The following GRIK2 variants were observed in gnomAD, a reference collection of about 807,000 sequenced individuals.
The protein encoded by GRIK2 is glutamate receptor ionotropic, kainate 2.
GRIK2 carries 32 observed loss-of-function variants against 100.3 expected under a neutral mutation model. The ratio of observed to expected loss-of-function variants is 0.32; its 90% CI spans 0.24 to 0.43. The LOEUF is 0.43. Ranked by LOEUF, GRIK2 falls within the 20% of genes least tolerant of loss-of-function variation. GRIK2 has a pLI of 1.00. For synonymous variants in GRIK2, 417 were observed against 389.4 expected (o/e 1.07, Z -0.83); for missense variants, 843 against 1,114.9 (o/e 0.76, Z 3.47).
intron 14 of GRIK2, among the ~76,000 whole-genome samples, chr6:101,976,432 C>T (rs984939021): frequency 6.6e-6 from 1 of 151,882 alleles, no homozygotes; most frequent in African/African-American, 2.4e-5. Flanking sequence ...TGTGGTGGCT[C>T]ATGCCTGTAA....
intron 2 of GRIK2, among the ~76,000 whole-genome samples, chr6:101,448,398 A>G (rs1770490796): frequency 6.6e-6 from 1 of 151,660 alleles, no homozygotes; most frequent in Non-Finnish European, 1.5e-5. Flanking sequence ...AAATCTAAAT[A>G]TCACACATAT....
intron 7 of GRIK2, among the ~76,000 whole-genome samples, chr6:101,782,126 C>A (rs1030110513): frequency 6.6e-5 from 10 of 152,156 alleles, no homozygotes; most frequent in Non-Finnish European, 1.5e-4. Context: ...AGGATATTCA[C>A]TACTTCTAGC....
intron 14 of GRIK2, among the ~76,000 whole-genome samples, chr6:101,955,699 G>A (rs1791891487): frequency 6.7e-6 from 1 of 150,012 alleles, no homozygotes; most frequent in Admixed American, 6.7e-5. Flanking sequence ...TCTAATTTGT[G>A]GCCACACAGC....
chr6:101,622,715 A>G (rs931667487), intron 3 of GRIK2, among the ~76,000 whole-genome samples: 1 of 151,934 alleles, frequency 6.6e-6, no homozygotes, highest in African/African-American at 2.4e-5. Flanking sequence ...AGAATACTTT[A>G]TGAGTTTTAT....
At chr6:101,966,181 A>G (rs200132356) in intron 14 of GRIK2, among the ~76,000 whole-genome samples, 1 of 152,060 alleles carries the variant, frequency 6.6e-6, no homozygotes, top group African/African-American at 2.4e-5. Flanking sequence ...ATTAAAGTTA[A>G]TTATTCTCCC....
In GRIK2 at chr6:101,404,009, T is replaced by G. The variant is rs191852764; in HGVS notation, c.115+4617T>G. On this transcript the variant is annotated intron_variant, in intron 2 of 16. Coordinates refer to ENST00000369134, the MANE Select transcript of GRIK2 (RefSeq NM_021956.5). ...AGGCACAATCATTTCAGAAAATGAC[T>G]TTGAAAAATGATCTTTTTGTCTTCT... 9.8e-5 allele frequency among the ~76,000 whole-genome samples: 15 copies of G among 152,348 alleles called. No homozygotes were observed. In the East Asian group the frequency reaches 2.9e-3, roughly 29 times the overall value.
At chr6:101,846,015 TTTGTTG>T (rs964514520) in intron 10 of GRIK2, among the ~76,000 whole-genome samples, 1 of 151,942 alleles carries the variant, frequency 6.6e-6, no homozygotes. Flanking sequence ...TTGTTTTTTT[TTTGTTG>T]TTGTTGTTGT....
chr6:101,968,838 T>C (rs867589170), intron 14 of GRIK2, among the ~76,000 whole-genome samples: 2 of 152,020 alleles, frequency 1.3e-5, no homozygotes, highest in Non-Finnish European at 2.9e-5. Context: ...ATGAGGATAC[T>C]GTAAACCTAC....
intron 14 of GRIK2, among the ~76,000 whole-genome samples, chr6:101,947,984 C>T (rs1028556576): frequency 6.6e-6 from 1 of 152,074 alleles, no homozygotes; most frequent in Non-Finnish European, 1.5e-5. Flanking sequence ...TCTGTGTGAA[C>T]GTTTACCAAA....
At chr6:101,913,463 T>A (rs1788889527) in intron 12 of GRIK2, among the ~76,000 whole-genome samples, 1 of 151,616 alleles carries the variant, frequency 6.6e-6, no homozygotes, top group Admixed American at 6.6e-5. Flanking sequence ...GCACTTATTC[T>A]ATTTTCAGTA....
chr6:101,793,557 T>G (rs1322283478), intron 7 of GRIK2, among the ~76,000 whole-genome samples: 1 of 152,166 alleles, frequency 6.6e-6, no homozygotes, highest in Non-Finnish European at 1.5e-5. Flanking sequence ...TGTCTGATCG[T>G]TCCTCTGGAA....
chr6:101,985,376 T>A (rs1793965385), intron 14 of GRIK2, among the ~76,000 whole-genome samples: 1 of 151,752 alleles, frequency 6.6e-6, no homozygotes, highest in African/African-American at 2.4e-5. Flanking sequence ...TATGATAAAG[T>A]TTCACCTCCT....
chr6:101,611,395 T>C lies in GRIK2; in HGVS notation c.116-10554T>C, dbSNP rs181460419. 5.4e-3 allele frequency among the ~76,000 whole-genome samples: 816 copies of C among 151,952 alleles called. 4 individuals carry two copies. The highest frequency in any genetic ancestry group is 0.018 in the African/African-American group (739 of 41,514). The stretch of plus-strand genomic sequence containing the variant: ...TAGGAAGATGTATGCAAGTGGACCT[T>C]TAACGTCTTCTCTAGTTGAAGAACT... On this transcript the variant is annotated intron_variant, in intron 2 of 16. Transcript: ENST00000369134.
intron 2 of GRIK2, among the ~76,000 whole-genome samples, chr6:101,546,621 C>T (rs1776248725): frequency 6.6e-6 from 1 of 152,010 alleles, no homozygotes; most frequent in South Asian, 2.1e-4. Flanking sequence ...AAGAGTGTTG[C>T]ATGGATTAAA....
chr6:101,868,822 T>C (rs1278579030), intron 11 of GRIK2, among the ~76,000 whole-genome samples: 1 of 151,934 alleles, frequency 6.6e-6, no homozygotes, highest in Non-Finnish European at 1.5e-5. Context: ...ATATTCTTCA[T>C]GATATTCCCA....
intron 2 of GRIK2, among the ~76,000 whole-genome samples, chr6:101,543,578 T>C (rs1776102142): frequency 6.6e-6 from 1 of 152,168 alleles, no homozygotes; most frequent in African/African-American, 2.4e-5. Flanking sequence ...TTAATCCTAT[T>C]TGAAGGGTGA....
chr6:101,658,848 C>A (rs570846260), intron 4 of GRIK2, among the ~76,000 whole-genome samples: 1 of 152,156 alleles, frequency 6.6e-6, no homozygotes, highest in East Asian at 1.9e-4. Context: ...CTGTTCATAT[C>A]CTTTGCCCAT....
chr6:101,563,564 C>A (rs1266165442), intron 2 of GRIK2, among the ~76,000 whole-genome samples: 1 of 151,942 alleles, frequency 6.6e-6, no homozygotes, highest in Admixed American at 6.6e-5. Flanking sequence ...CCCCTTTATC[C>A]CACACAATTT....
intron 2 of GRIK2, among the ~76,000 whole-genome samples, chr6:101,510,916 C>T (rs867718109): frequency 4.9e-4 from 75 of 152,054 alleles, no homozygotes; most frequent in African/African-American, 1.8e-3. Flanking sequence ...CAATAGACTA[C>T]GATATATAAA....
Sources: gnomAD v4.1 joint callset for allele counts (sites outside exome capture counted in the v4.1 genomes callset) on GRCh38, gnomAD v4.1.1 for gene constraint, MANE v1.5 for transcripts, NCBI Gene and HGNC (gene_info 2026-07-23, HGNC 2026-07-21) for gene names.